The following CC2D2A variants were observed in gnomAD, a reference collection of about 807,000 sequenced individuals.
CC2D2A encodes coiled-coil and C2 domain containing 2A.
In CC2D2A, 155 loss-of-function variants were observed where a neutral mutation model predicts 212.9. The observed-to-expected ratio is 0.73, with a 90% CI of 0.64 to 0.83. The LOEUF is 0.83. Ranked by LOEUF, CC2D2A falls within the 40% of genes least tolerant of loss-of-function variation. The pLI is 0.00. For missense variants in CC2D2A, 1,856 were observed against 1,956.2 expected (o/e 0.95, Z 0.97); for synonymous variants, 667 against 686.5 (o/e 0.97, Z 0.44).
At chr4:15,570,310 C>A in intron 27 of CC2D2A, 88 bp from the exon 28 acceptor site, 1 of 754,572 alleles carries the variant, frequency 1.3e-6, no homozygotes, top group Non-Finnish European at 2.2e-6. Flanking sequence ...ATGCTTTCAG[C>A]TAAAATCTTG....
In CC2D2A at chr4:15,511,413, G is replaced by A. The variant is rs773437112; in HGVS notation, c.707G>A (p.Gly236Glu). 10 of 1,541,736 alleles carry A rather than the reference G, an allele frequency of 6.5e-6. No homozygotes were observed. In the East Asian group the frequency reaches 2.5e-4, roughly 38 times the overall value. ...EEEEPPAQGG[G>E]KEMDEEELLN... ...GAAGAACCACCTGCACAAGGAGGAG[G>A]AAAGGAAATGGTATTTAATATCAGG... Residue 236 changes from glycine to glutamate, a missense_variant, in exon 8 of 37, where the codon GGA becomes GAA. By Grantham distance (98) the Gly-to-Glu change is moderately conservative. Coordinates refer to ENST00000424120, the MANE Select transcript of CC2D2A (RefSeq NM_001378615.1).
chr4:15,520,099 G>A (rs1422677124), intron 11 of CC2D2A, among the ~76,000 whole-genome samples: 1 of 151,958 alleles, frequency 6.6e-6, no homozygotes, highest in African/African-American at 2.4e-5. Context: ...TGCAACTTTG[G>A]GCAAGTTCCT....
At chr4:15,513,368 T>C (rs1452577511) in intron 8 of CC2D2A, among the ~76,000 whole-genome samples, 1 of 152,246 alleles carries the variant, frequency 6.6e-6, no homozygotes. Context: ...CGAGACGTAG[T>C]GCACTCTCAA....
At chr4:15,562,464 G>A (rs1211914899) in intron 23 of CC2D2A, among the ~76,000 whole-genome samples, 1 of 152,198 alleles carries the variant, frequency 6.6e-6, no homozygotes, top group Non-Finnish European at 1.5e-5. Context: ...CATCTTACAG[G>A]AAGTGTTTCT....
intron 17 of CC2D2A, among the ~76,000 whole-genome samples, chr4:15,542,340 C>T (rs549659338): frequency 6.6e-6 from 1 of 152,268 alleles, no homozygotes; most frequent in East Asian, 1.9e-4. Flanking sequence ...GGCTTGTTAA[C>T]TAGGATTGCA....
rs530243571 is a variant in CC2D2A at position 15,478,773 on chromosome 4, C to G, written c.90C>G (p.Asn30Lys). ...CAGACATGGGAAGACAGAATAAGAA[C>G]TCAAAGGTTCGAAGACAGCCAAGAA... is the stretch of plus-strand genomic sequence containing the variant. ...EDADMGRQNKNSKVRRQPRKK... is the reference protein window; with the variant it reads ...EDADMGRQNKKSKVRRQPRKK... The change falls in exon 3 of 37, where the codon AAC (asparagine) becomes AAG (lysine). Residue 30 changes from asparagine to lysine, a missense_variant. Asn to Lys is a moderately conservative substitution (Grantham distance 94, BLOSUM62 0). Coordinates refer to ENST00000424120, the MANE Select transcript of CC2D2A (RefSeq NM_001378615.1). 6 of 1,554,886 alleles carry G rather than the reference C, an allele frequency of 3.9e-6. No homozygotes were observed. In the South Asian group the frequency reaches 7.1e-5, roughly 18 times the overall value.
chr4:15,482,651 G>A (rs1490624701), intron 4 of CC2D2A, among the ~76,000 whole-genome samples: 2 of 152,160 alleles, frequency 1.3e-5, no homozygotes, highest in African/African-American at 4.8e-5. Flanking sequence ...TCTAAATGCA[G>A]TCAGATTGGG....
chr4:15,565,384 A>G (rs935700736), intron 24 of CC2D2A, among the ~76,000 whole-genome samples: 11 of 143,958 alleles, frequency 7.6e-5, no homozygotes, highest in Admixed American at 2.8e-4. Context: ...TTACCTTTGC[A>G]CTCATCCACA....
At chr4:15,491,319 A>G (rs1166568628) in intron 4 of CC2D2A, among the ~76,000 whole-genome samples, 1 of 152,044 alleles carries the variant, frequency 6.6e-6, no homozygotes, top group East Asian at 1.9e-4. Context: ...TATGCTTTTA[A>G]CTTGCACTTC....
chr4:15,526,896 C>T (rs1192643442), intron 11 of CC2D2A, among the ~76,000 whole-genome samples: 2 of 152,168 alleles, frequency 1.3e-5, no homozygotes, highest in Admixed American at 6.5e-5. Flanking sequence ...CTCAGCTGCA[C>T]AGCCCCCACT....
chr4:15,578,807 TGTTTGTTTG>T (rs1452457181), intron 29 of CC2D2A, among the ~76,000 whole-genome samples: 1 of 121,436 alleles, frequency 8.2e-6, no homozygotes, highest in Non-Finnish European at 1.9e-5. Context: ...TTTGTTTGTT[TGTTTGTTTG>T]TTTTTAATAG....
In CC2D2A at chr4:15,563,455, G is replaced by T; in HGVS notation, c.3115G>T (p.Gly1039Ter). 1 of 1,612,012 alleles carries T rather than the reference G, an allele frequency of 6.2e-7. No homozygotes were observed. Among genetic ancestry groups the T allele is most frequent in the Non-Finnish European group, 8.5e-7 (1 of 1,179,138 alleles). ...KKVTAQNLSD[G>*]DIKLLVNIVR... is the part of the protein sequence containing the mutation. Reference sequence around the variant, plus strand: ...GGTGACAGCCCAAAACCTGTCTGATGGAGACATAAAGCTGCTGGTGAACAT... The same window carrying T: ...GGTGACAGCCCAAAACCTGTCTGATTGAGACATAAAGCTGCTGGTGAACAT... The change falls in exon 24 of 37, where the codon GGA becomes TGA. Residue 1039 changes from glycine to a stop codon, truncating the protein, a stop_gained. Transcript: ENST00000424120. LOFTEE classifies it high-confidence loss of function.
intron 4 of CC2D2A, among the ~76,000 whole-genome samples, chr4:15,501,727 C>T (rs994520577): frequency 2.6e-5 from 4 of 152,128 alleles, no homozygotes; most frequent in Non-Finnish European, 5.9e-5. Context: ...CCATTTATCA[C>T]GCAGGACTGC....
intron 11 of CC2D2A, among the ~76,000 whole-genome samples, chr4:15,521,975 G>A (rs932546748): frequency 6.6e-6 from 1 of 152,166 alleles, no homozygotes; most frequent in African/African-American, 2.4e-5. Context: ...AATGTGGGAG[G>A]TTTGCTTGAG....
At chr4:15,491,754 G>A (rs1034583753) in intron 4 of CC2D2A, among the ~76,000 whole-genome samples, 2 of 152,116 alleles carry the variant, frequency 1.3e-5, no homozygotes, top group East Asian at 1.9e-4. Flanking sequence ...CTATAGAGTT[G>A]TAAAAATTCT....
intron 4 of CC2D2A, among the ~76,000 whole-genome samples, chr4:15,489,949 G>A (rs1257411665): frequency 6.6e-6 from 1 of 152,032 alleles, no homozygotes; most frequent in Non-Finnish European, 1.5e-5. Flanking sequence ...AGCACCCTAG[G>A]CTTAGTGCTT....
At chr4:15,512,399 C>A (rs958036410) in intron 8 of CC2D2A, among the ~76,000 whole-genome samples, 6 of 152,074 alleles carry the variant, frequency 3.9e-5, no homozygotes, top group Non-Finnish European at 5.9e-5. Flanking sequence ...CTGACACATG[C>A]CACAACATAG....
At chr4:15,558,559 A>G (rs1319615808) in intron 21 of CC2D2A, among the ~76,000 whole-genome samples, 5 of 151,800 alleles carry the variant, frequency 3.3e-5, no homozygotes. Context: ...ATGGTCACCA[A>G]CATCATACAA....
chr4:15,582,235 G>A (rs927786741), intron 30 of CC2D2A, among the ~76,000 whole-genome samples: 3 of 151,770 alleles, frequency 2.0e-5, no homozygotes, highest in African/African-American at 7.3e-5. Context: ...TAAATAAGAG[G>A]TAAATTACAT....
Sources: allele counts gnomAD v4.1 joint callset (sites outside exome capture counted in the v4.1 genomes callset), GRCh38; gene constraint gnomAD v4.1.1; transcripts MANE v1.5; gene names NCBI Gene and HGNC (gene_info 2026-07-23, HGNC 2026-07-21).